CDKAL1: variants seen among roughly 807,000 people sequenced by gnomAD.
CDKAL1 encodes CDKAL1 threonylcarbamoyladenosine tRNA methylthiotransferase.
In CDKAL1, 32 loss-of-function variants were observed where a neutral mutation model predicts 68.2. The observed-to-expected ratio is 0.47, with a 90% CI of 0.35 to 0.63. The LOEUF (loss-of-function observed/expected upper bound fraction) is 0.63, where lower values mean the gene tolerates loss of function less well. CDKAL1 is among the 30% of genes least tolerant of loss of function. The pLI is 0.00. For missense variants in CDKAL1, 606 were observed against 696.7 expected (o/e 0.87, Z 1.47); for synonymous variants, 234 against 244.3 (o/e 0.96, Z 0.39).
chr6:20,930,595 A>G (rs946320123), intron 9 of CDKAL1, among the ~76,000 whole-genome samples: 2 of 152,220 alleles, frequency 1.3e-5, no homozygotes, highest in African/African-American at 4.8e-5. Context: ...GAGTGGACCC[A>G]CATCCCCTCA....
chr6:20,993,044 TGTAGAGTTAGGAA>T (rs1183186006), intron 10 of CDKAL1, among the ~76,000 whole-genome samples: 1 of 152,136 alleles, frequency 6.6e-6, no homozygotes, highest in African/African-American at 2.4e-5. Flanking sequence ...TAGGCAAATC[TGTAGAGTTAGGAA>T]GTAGACTAGT....
intron 12 of CDKAL1, among the ~76,000 whole-genome samples, chr6:21,097,731 G>GACAT (rs879773823): frequency 1.3e-5 from 2 of 152,158 alleles, no homozygotes; most frequent in Non-Finnish European, 2.9e-5. Flanking sequence ...CAATCTTTAT[G>GACAT]AGAGTGCAAA....
At chr6:20,877,616 C>A (rs1361499965) in intron 9 of CDKAL1, among the ~76,000 whole-genome samples, 2 of 152,146 alleles carry the variant, frequency 1.3e-5, no homozygotes, top group Non-Finnish European at 2.9e-5. Context: ...TCAGTATGAA[C>A]TCAGAAAACT....
chr6:21,093,083 T>C (rs923502973), intron 12 of CDKAL1, among the ~76,000 whole-genome samples: 2 of 152,176 alleles, frequency 1.3e-5, no homozygotes, highest in Non-Finnish European at 2.9e-5. Context: ...AGGACATTTT[T>C]AATGACTGAA....
chr6:20,899,837 C>T (rs991849752), intron 9 of CDKAL1, among the ~76,000 whole-genome samples: 2 of 152,076 alleles, frequency 1.3e-5, no homozygotes, highest in East Asian at 1.9e-4. Flanking sequence ...AGCGAAACTC[C>T]GTCTCAAAAA....
intron 9 of CDKAL1, among the ~76,000 whole-genome samples, chr6:20,877,078 A>G (rs1294895612): frequency 6.6e-6 from 1 of 152,208 alleles, no homozygotes; most frequent in Non-Finnish European, 1.5e-5. Context: ...CTTATATTCT[A>G]AATGGAGGAT....
intron 11 of CDKAL1, among the ~76,000 whole-genome samples, chr6:21,023,965 C>G (rs1768819375): frequency 6.6e-6 from 1 of 152,130 alleles, no homozygotes; most frequent in African/African-American, 2.4e-5. Context: ...GGGAAACTGT[C>G]CTTGGCTGAA....
intron 4 of CDKAL1, among the ~76,000 whole-genome samples, chr6:20,645,695 T>A (rs1768413236): frequency 6.6e-6 from 1 of 151,830 alleles, no homozygotes; most frequent in Non-Finnish European, 1.5e-5. Context: ...TGCGCCACTG[T>A]ACTCTAGCCT....
At chr6:21,088,043 C>A (rs1772798799) in intron 12 of CDKAL1, among the ~76,000 whole-genome samples, 1 of 152,054 alleles carries the variant, frequency 6.6e-6, no homozygotes, top group Admixed American at 6.6e-5. Context: ...GATATAAGTT[C>A]TCATTTTGGG....
chr6:21,205,748 G>C (rs13214311), intron 15 of CDKAL1, among the ~76,000 whole-genome samples: 2,528 of 148,388 alleles, frequency 0.017, 64 homozygotes, highest in African/African-American at 0.058. Context: ...AGCCAGGATG[G>C]TCTCGATCTC....
At position 21,069,200 on chromosome 6, in the gene CDKAL1, C is replaced by A. The variant is rs569975972; in HGVS notation, c.1236+3972C>A. Among the ~76,000 whole-genome samples, 4 of 152,212 alleles carry A rather than the reference C, an allele frequency of 2.6e-5. No homozygotes were observed. In the East Asian group the frequency reaches 7.7e-4, roughly 29 times the overall value. On this transcript the variant is annotated intron_variant, in intron 12 of 15. Coordinates refer to ENST00000274695, the MANE Select transcript of CDKAL1 (RefSeq NM_017774.3). ...ACTATACTGGCAAGAATGTTCAGTA[C>A]ACTGAGTAGAATTGGGCATCTTTCT...
chr6:20,921,532 C>A (rs1292353859), intron 9 of CDKAL1, among the ~76,000 whole-genome samples: 1 of 152,174 alleles, frequency 6.6e-6, no homozygotes, highest in Non-Finnish European at 1.5e-5. Flanking sequence ...TGTTTCAGAG[C>A]AATTTTGTAA....
intron 9 of CDKAL1, among the ~76,000 whole-genome samples, chr6:20,883,162 C>T (rs1182527004): frequency 6.6e-6 from 1 of 152,126 alleles, no homozygotes; most frequent in African/African-American, 2.4e-5. Flanking sequence ...ATAATTCTTC[C>T]AAGTGGACCT....
intron 5 of CDKAL1, among the ~76,000 whole-genome samples, chr6:20,736,437 A>C (rs1159134665): frequency 6.6e-6 from 1 of 152,162 alleles, no homozygotes; most frequent in East Asian, 1.9e-4. Context: ...TATTCTAGCA[A>C]GAGAACTAAT....
intron 4 of CDKAL1, among the ~76,000 whole-genome samples, chr6:20,629,815 G>A (rs1160680423): frequency 6.6e-6 from 1 of 151,428 alleles, no homozygotes; most frequent in Non-Finnish European, 1.5e-5. Context: ...CCCTGTGCTG[G>A]GCTGCCTGTC....
intron 8 of CDKAL1, among the ~76,000 whole-genome samples, chr6:20,793,355 G>A (rs775854916): frequency 8.5e-5 from 13 of 152,080 alleles, no homozygotes; most frequent in African/African-American, 1.4e-4. Context: ...TGTCAGTAGC[G>A]GCGTTGATGT....
chr6:20,735,335 A>G (rs1368522485), intron 5 of CDKAL1, among the ~76,000 whole-genome samples: 1 of 152,236 alleles, frequency 6.6e-6, no homozygotes, highest in Non-Finnish European at 1.5e-5. Context: ...TCAGTTCTGC[A>G]TGGCTGGGAA....
chr6:20,737,921 G>A (rs1051099141), intron 5 of CDKAL1, among the ~76,000 whole-genome samples: 8 of 152,158 alleles, frequency 5.3e-5, no homozygotes, highest in Admixed American at 3.3e-4. Context: ...AGAAAATTTT[G>A]ATGTGGCTGT....
intron 13 of CDKAL1, among the ~76,000 whole-genome samples, chr6:21,124,791 A>G (rs960359079): frequency 5.9e-5 from 9 of 151,814 alleles, no homozygotes; most frequent in African/African-American, 1.9e-4. Context: ...CCAAAACCCA[A>G]TCCATTCTCT....
Sources: allele counts gnomAD v4.1 joint callset (sites outside exome capture counted in the v4.1 genomes callset), GRCh38; gene constraint gnomAD v4.1.1; transcripts MANE v1.5; gene names NCBI Gene and HGNC (gene_info 2026-07-23, HGNC 2026-07-21).